The following DEPTOR variants were observed in gnomAD, a reference collection of about 807,000 sequenced individuals.
The protein encoded by DEPTOR is DEP domain-containing mTOR-interacting protein.
Under a neutral mutation model 41.6 loss-of-function variants are expected in DEPTOR, and 41 were observed. That is an observed-to-expected ratio of 0.98 (90% CI 0.77 to 1.28). The LOEUF is 1.28. Ranked by LOEUF, DEPTOR falls within the 50% of genes most tolerant of loss-of-function variation. The probability of loss-of-function intolerance (pLI) is 0.00; values close to 1 mark genes in which losing one functional copy is unlikely to be tolerated. For synonymous variants in DEPTOR, 195 were observed against 192.3 expected, an observed-to-expected ratio of 1.01 and a Z score of -0.12; for missense variants, 514 against 527.9, an observed-to-expected ratio of 0.97 and a Z score of 0.26.
At chr8:120,031,431 C>T (rs1471792216) in intron 8 of DEPTOR, among the ~76,000 whole-genome samples, 4 of 152,106 alleles carry the variant, frequency 2.6e-5, no homozygotes, top group African/African-American at 9.7e-5. Flanking sequence ...CGCCACTGCA[C>T]TCCAGCCTGG....
chr8:119,916,296 T>G (rs796564686), intron 1 of DEPTOR, among the ~76,000 whole-genome samples: 3 of 149,242 alleles, frequency 2.0e-5, no homozygotes, highest in African/African-American at 7.4e-5. Context: ...TTTTTTTTTT[T>G]TTTTTTAGAA....
At chr8:120,047,522 C>T (rs995486147) in intron 8 of DEPTOR, among the ~76,000 whole-genome samples, 9 of 151,476 alleles carry the variant, frequency 5.9e-5, no homozygotes, top group Non-Finnish European at 1.5e-5. Context: ...CATCCGCCAC[C>T]ACGCCCAGCT....
chr8:120,038,592 CAAAAAAA>C (rs34679088), intron 8 of DEPTOR, among the ~76,000 whole-genome samples: 4 of 108,526 alleles, frequency 3.7e-5, no homozygotes, highest in Admixed American at 1.9e-4. Context: ...GACCCTATCT[CAAAAAAA>C]AAAAAAAAAA....
chr8:120,032,523 CA>C (rs762027287), intron 8 of DEPTOR, among the ~76,000 whole-genome samples: 12 of 152,026 alleles, frequency 7.9e-5, no homozygotes, highest in Non-Finnish European at 1.3e-4. Flanking sequence ...ACCCAGCCAA[CA>C]CTAACTTTCA....
intron 3 of DEPTOR, among the ~76,000 whole-genome samples, chr8:119,957,790 T>A (rs1318031920): frequency 6.6e-6 from 1 of 152,144 alleles, no homozygotes; most frequent in South Asian, 2.1e-4. Context: ...GGTTTCACCA[T>A]GTTGGCCAGG....
At chr8:119,992,881 T>C (rs1476405136) in intron 4 of DEPTOR, among the ~76,000 whole-genome samples, 1 of 152,022 alleles carries the variant, frequency 6.6e-6, no homozygotes, top group Non-Finnish European at 1.5e-5. Flanking sequence ...AGTTTCGAAC[T>C]CCTGACCCCA....
chr8:119,991,195 G>A (rs926365052), intron 4 of DEPTOR, among the ~76,000 whole-genome samples: 6 of 150,604 alleles, frequency 4.0e-5, no homozygotes, highest in Admixed American at 1.3e-4. Flanking sequence ...TATTACGGGG[G>A]GTTATTGTAC....
At chr8:120,033,795 G>A (rs953066255) in intron 8 of DEPTOR, among the ~76,000 whole-genome samples, 1 of 152,168 alleles carries the variant, frequency 6.6e-6, no homozygotes, top group African/African-American at 2.4e-5. Context: ...TCAGTATGGA[G>A]CACTCTCTTA....
At chr8:119,895,102 A>G (rs1281532097) in intron 1 of DEPTOR, among the ~76,000 whole-genome samples, 2 of 152,214 alleles carry the variant, frequency 1.3e-5, no homozygotes, top group African/African-American at 4.8e-5. Context: ...ATAAAGGTCA[A>G]GGTGATTGCA....
At chr8:119,991,043 TTTCTTTCTTTCTTTC>T (rs1812154331) in intron 4 of DEPTOR, among the ~76,000 whole-genome samples, 1 of 78,722 alleles carries the variant, frequency 1.3e-5, no homozygotes. Context: ...TCTTTCTTTC[TTTCTTTCTTTCTTTC>T]TTTCTTTCTT....
chr8:120,016,352 G>A (rs1812611284), intron 8 of DEPTOR, among the ~76,000 whole-genome samples: 2 of 151,478 alleles, frequency 1.3e-5, no homozygotes, highest in African/African-American at 2.4e-5. Flanking sequence ...AGGCTGAAGT[G>A]TAATGGCCCG....
At chr8:119,913,323 A>G (rs1827768546) in intron 1 of DEPTOR, among the ~76,000 whole-genome samples, 1 of 152,202 alleles carries the variant, frequency 6.6e-6, no homozygotes, top group African/African-American at 2.4e-5. Context: ...AACAAAAGAG[A>G]GGTTCACATT....
intron 3 of DEPTOR, among the ~76,000 whole-genome samples, chr8:119,960,994 G>GAAAGAAAT (rs1174450469): frequency 6.6e-6 from 1 of 151,580 alleles, no homozygotes; most frequent in East Asian, 2.0e-4. Context: ...AAGAAAGAAA[G>GAAAGAAAT]AAAGAAAGAA....
At chr8:119,965,516 C>A in intron 4 of DEPTOR, 106 bp downstream of exon 4, 1 of 1,362,180 alleles carries the variant, frequency 7.3e-7, no homozygotes, top group Non-Finnish European at 9.9e-7. Context: ...TGTAAGTCAG[C>A]TGCACCTCTG....
intron 4 of DEPTOR, among the ~76,000 whole-genome samples, chr8:119,989,412 C>T (rs1253363164): frequency 1.2e-4 from 19 of 152,160 alleles, no homozygotes. Flanking sequence ...GCAAGCTTGT[C>T]TGCCTCCTCG....
At chr8:120,044,063 T>C (rs566951345) in intron 8 of DEPTOR, among the ~76,000 whole-genome samples, 1 of 140,928 alleles carries the variant, frequency 7.1e-6, no homozygotes, top group African/African-American at 2.7e-5. Flanking sequence ...AGAAATCAGC[T>C]AGCCTAACAA....
chr8:119,948,978 G>A (rs1586628453), intron 3 of DEPTOR, among the ~76,000 whole-genome samples: 1 of 152,106 alleles, frequency 6.6e-6, no homozygotes, highest in East Asian at 1.9e-4. Flanking sequence ...GTAGAGACAG[G>A]GTTTCACCAT....
At chr8:119,889,896 A>T (rs945129510) in intron 1 of DEPTOR, among the ~76,000 whole-genome samples, 2 of 152,116 alleles carry the variant, frequency 1.3e-5, no homozygotes, top group African/African-American at 4.8e-5. Context: ...ATTTGGGACA[A>T]AAAGTTAGAG....
chr8:120,041,492 C>T (rs1215054376), intron 8 of DEPTOR, among the ~76,000 whole-genome samples: 1 of 152,122 alleles, frequency 6.6e-6, no homozygotes, highest in East Asian at 1.9e-4. Context: ...TGAGTCCTGC[C>T]TCCTGCTTCC....
Sources: allele counts gnomAD v4.1 joint callset (sites outside exome capture counted in the v4.1 genomes callset), GRCh38; gene constraint gnomAD v4.1.1; transcripts MANE v1.5; gene names NCBI Gene and HGNC (gene_info 2026-07-23, HGNC 2026-07-21).